The following CNTN4 variants were observed in gnomAD, a reference collection of about 807,000 sequenced individuals.
CNTN4 encodes contactin 4, also known as contactin-4.
In CNTN4, 77 loss-of-function variants were observed where a neutral mutation model predicts 122.5. That is an observed-to-expected ratio of 0.63 (90% confidence interval 0.52 to 0.76). The LOEUF (loss-of-function observed/expected upper bound fraction) is 0.76, where lower values mean the gene tolerates loss of function less well. Among genes scored for constraint, CNTN4 ranks in the 30% least tolerant of loss-of-function variants. The pLI is 0.00. For synonymous variants in CNTN4, 512 were observed against 447.0 expected (o/e 1.15, Z -1.83); for missense variants, 1,256 against 1,259.1 (o/e 1.00, Z 0.04).
chr3:2,456,176 T>A (rs1347748401), intron 3 of CNTN4, among the ~76,000 whole-genome samples: 1 of 151,996 alleles, frequency 6.6e-6, no homozygotes, highest in Non-Finnish European at 1.5e-5. Context: ...TCATGATCTT[T>A]TACCATACAA....
chr3:2,438,280 G>A (rs1442716170), intron 3 of CNTN4, among the ~76,000 whole-genome samples: 2 of 152,188 alleles, frequency 1.3e-5, no homozygotes, highest in Non-Finnish European at 2.9e-5. Context: ...AGCCCTTTGG[G>A]AGGCCGAGGC....
Position 2,294,040 on chromosome 3 carries a change from A to G in CNTN4, c.-144-45138A>G, listed in dbSNP as rs570138781. The stretch of plus-strand genomic sequence containing the variant: ...TTCAGTTAGTGGAAGCATTTGAACC[A>G]TACATCTTATCAGCCAGCCAGCTTT... On this transcript the variant is annotated intron_variant, in intron 2 of 24. Transcript: ENST00000418658. 1.5e-3 allele frequency among the ~76,000 whole-genome samples: 236 copies of G among 152,312 alleles called. 1 individual carries two copies. The highest frequency in any genetic ancestry group is 5.4e-3 in the African/African-American group (223 of 41,568).
chr3:2,449,769 A>T (rs2048757521), intron 3 of CNTN4, among the ~76,000 whole-genome samples: 1 of 152,210 alleles, frequency 6.6e-6, no homozygotes, highest in South Asian at 2.1e-4. Context: ...TGTCTTAAAA[A>T]ATAATGAAAT....
At chr3:2,435,772 C>T (rs2048237454) in intron 3 of CNTN4, among the ~76,000 whole-genome samples, 1 of 152,110 alleles carries the variant, frequency 6.6e-6, no homozygotes, top group Admixed American at 6.6e-5. Flanking sequence ...AAAATAAAAC[C>T]TAGACATAAA....
rs1410396166 is a variant in CNTN4 at position 2,287,681 on chromosome 3, A to AGAG, written c.-144-51495_-144-51494insGGA. On this transcript the variant is annotated intron_variant, in intron 2 of 24. Transcript: ENST00000418658. Reference sequence around the variant, plus strand: ...AAGAAGAAGAAGAAGAAGAAGAAGAAGAAGAAGAAGAGGAAGAAGAAGAAG... The same window carrying AGAG: ...AAGAAGAAGAAGAAGAAGAAGAAGAAGAGGAAGAAGAAGAGGAAGAAGAAGAAG... Among the ~76,000 whole-genome samples, 31 of 93,000 alleles carry AGAG rather than the reference A, an allele frequency of 3.3e-4. 1 individual carries two copies. Among genetic ancestry groups the AGAG allele is most frequent in the South Asian group, 2.1e-3 (5 of 2,366 alleles). The allele number at this position is 93,000 out of a possible 152,430, so 61.0% of individuals were successfully genotyped here. A position where few individuals can be genotyped will look rare whatever the true frequency, so the allele number is the denominator to read the frequency against.
intron 2 of CNTN4, among the ~76,000 whole-genome samples, chr3:2,289,899 T>C (rs1273925210): frequency 6.6e-6 from 1 of 152,192 alleles, no homozygotes; most frequent in Non-Finnish European, 1.5e-5. Context: ...AGACATTTGA[T>C]GATTGAAAAT....
chr3:2,495,816 G>T (rs141031968), intron 3 of CNTN4, among the ~76,000 whole-genome samples: 237 of 152,284 alleles, frequency 1.6e-3, no homozygotes, highest in African/African-American at 5.6e-3. Context: ...CTGCCAAAAA[G>T]GTTGGGGACC....
intron 2 of CNTN4, among the ~76,000 whole-genome samples, chr3:2,112,788 T>A (rs1472895549): frequency 6.6e-6 from 1 of 152,196 alleles, no homozygotes; most frequent in Non-Finnish European, 1.5e-5. Context: ...TTCTGGTAAG[T>A]TACTAAGCTA....
At position 2,184,889 on chromosome 3, in the gene CNTN4, G is replaced by T. The variant is rs1465841812; in HGVS notation, c.-145+84250G>T. ...TTATTTGGTTATAACAGCACAAATG[G>T]ACAAAGATACTGGCCCTTCTGCAAA... On this transcript the variant is annotated intron_variant, in intron 2 of 24. Coordinates refer to ENST00000418658, the MANE Select transcript of CNTN4 (RefSeq NM_175607.3). 2.0e-5 allele frequency among the ~76,000 whole-genome samples: 3 copies of T among 152,152 alleles called. No individual in the cohort carries two copies. In the South Asian group the frequency reaches 6.2e-4, roughly 32 times the overall value.
chr3:2,177,656 T>TG (rs2036813446), intron 2 of CNTN4, among the ~76,000 whole-genome samples: 1 of 147,448 alleles, frequency 6.8e-6, no homozygotes, highest in East Asian at 2.0e-4. Context: ...GTGTGTGTGT[T>TG]TGTGTGTGTG....
chr3:2,371,512 A>G (rs1046347128), intron 3 of CNTN4, among the ~76,000 whole-genome samples: 1 of 152,134 alleles, frequency 6.6e-6, no homozygotes. Flanking sequence ...AGAGCACCCG[A>G]TTTTGTCCGT....
At chr3:2,748,077 G>A (rs541408441) in intron 6 of CNTN4, among the ~76,000 whole-genome samples, 2 of 152,194 alleles carry the variant, frequency 1.3e-5, no homozygotes, top group South Asian at 4.2e-4. Context: ...ATCTATTGCA[G>A]CCTTATGGAA....
At chr3:2,300,544 T>A (rs1043349637) in intron 2 of CNTN4, among the ~76,000 whole-genome samples, 1 of 151,384 alleles carries the variant, frequency 6.6e-6, no homozygotes, top group African/African-American at 2.4e-5. Flanking sequence ...GATGAGTTTA[T>A]TTACACAGTG....
At chr3:2,306,411 C>G (rs891738325) in intron 2 of CNTN4, among the ~76,000 whole-genome samples, 1 of 152,090 alleles carries the variant, frequency 6.6e-6, no homozygotes, top group Non-Finnish European at 1.5e-5. Flanking sequence ...ATTTGAGCAT[C>G]TTTCATGTAC....
chr3:3,021,422 A>T (rs1698277870), intron 14 of CNTN4, among the ~76,000 whole-genome samples: 1 of 152,156 alleles, frequency 6.6e-6, no homozygotes, highest in Non-Finnish European at 1.5e-5. Flanking sequence ...CAGTCCCCTT[A>T]TGTCATCTGA....
At chr3:2,917,777 A>G (rs2094385245) in intron 12 of CNTN4, among the ~76,000 whole-genome samples, 1 of 152,202 alleles carries the variant, frequency 6.6e-6, no homozygotes, top group African/African-American at 2.4e-5. Context: ...AAGATTGTGT[A>G]GAGGTTGGAA....
At chr3:2,856,157 G>C (rs1559586017) in intron 7 of CNTN4, among the ~76,000 whole-genome samples, 1 of 152,200 alleles carries the variant, frequency 6.6e-6, no homozygotes, top group Non-Finnish European at 1.5e-5. Flanking sequence ...TTTCACAAAA[G>C]TAAAGTGTAT....
chr3:2,131,158 T>C lies in CNTN4; in HGVS notation c.-145+30519T>C, dbSNP rs532970058. Among the ~76,000 whole-genome samples, 15 of 152,314 alleles carry C rather than the reference T, an allele frequency of 9.8e-5. No individual in the cohort carries two copies. The South Asian group carries it at 3.1e-3, about 32-fold the overall frequency. ...GAAGGTGATAGTATTAATTTTGTTTTACAGATGAGGAAGAGTTTCAGAGAA... is the reference window on the plus strand; with the variant it reads ...GAAGGTGATAGTATTAATTTTGTTTCACAGATGAGGAAGAGTTTCAGAGAA... On this transcript the variant is annotated intron_variant, in intron 2 of 24. Transcript: ENST00000418658.
chr3:2,460,628 C>G (rs1372962206), intron 3 of CNTN4, among the ~76,000 whole-genome samples: 1 of 152,128 alleles, frequency 6.6e-6, no homozygotes, highest in Admixed American at 6.5e-5. Context: ...TTTTCCCTAT[C>G]TTAAGTGAAA....
Sources: allele counts gnomAD v4.1 joint callset (sites outside exome capture counted in the v4.1 genomes callset), GRCh38; gene constraint gnomAD v4.1.1; transcripts MANE v1.5; gene names NCBI Gene and HGNC (gene_info 2026-07-23, HGNC 2026-07-21).